The following ZMIZ1 variants were observed in gnomAD, a reference collection of about 807,000 sequenced individuals.
ZMIZ1 encodes zinc finger MIZ domain-containing protein 1.
ZMIZ1 carries 17 observed loss-of-function variants against 113.9 expected under a neutral mutation model. The ratio of observed to expected loss-of-function variants is 0.15; its 90% CI spans 0.10 to 0.22. The LOEUF is 0.22. Among genes scored for constraint, ZMIZ1 ranks in the 10% least tolerant of loss-of-function variants. The pLI is 1.00. For synonymous variants in ZMIZ1, 607 were observed against 603.1 expected (o/e 1.01, Z -0.09); for missense variants, 1,059 against 1,477.8 (o/e 0.72, Z 4.65).
chr10:79,091,352 C>A (rs1022417381), intron 1 of ZMIZ1, among the ~76,000 whole-genome samples: 1 of 152,188 alleles, frequency 6.6e-6, no homozygotes, highest in Non-Finnish European at 1.5e-5. Flanking sequence ...TGTCTCTTAT[C>A]CCCTAGCACG....
At chr10:79,277,428 A>T (rs1167970300) in intron 8 of ZMIZ1, 103 bp downstream of exon 8, 1 of 1,381,670 alleles carries the variant, frequency 7.2e-7, no homozygotes, top group Non-Finnish European at 9.5e-7. Flanking sequence ...TGCAACCATG[A>T]GGATGTTGCA....
chr10:79,282,959 C>T (rs1252557371), intron 8 of ZMIZ1, among the ~76,000 whole-genome samples: 1 of 152,246 alleles, frequency 6.6e-6, no homozygotes, highest in East Asian at 1.9e-4. Flanking sequence ...CTGCAGTGAC[C>T]TGGACTTGAA....
At chr10:79,247,146 G>A (rs1396603585) in intron 7 of ZMIZ1, among the ~76,000 whole-genome samples, 3 of 152,160 alleles carry the variant, frequency 2.0e-5, no homozygotes, top group South Asian at 2.1e-4. Flanking sequence ...CTGAAAATGC[G>A]GTGGCTTTCT....
chr10:79,072,138 A>T (rs1842308838), intron 1 of ZMIZ1, among the ~76,000 whole-genome samples: 1 of 152,122 alleles, frequency 6.6e-6, no homozygotes, highest in Non-Finnish European at 1.5e-5. Flanking sequence ...CTTTGTGGGG[A>T]CAAAATGTCC....
At chr10:79,178,640 T>C (rs1484214361) in intron 4 of ZMIZ1, among the ~76,000 whole-genome samples, 2 of 152,184 alleles carry the variant, frequency 1.3e-5, no homozygotes, top group East Asian at 3.9e-4. Context: ...TGTCTTCACT[T>C]TTCAAGCCCT....
intron 1 of ZMIZ1, among the ~76,000 whole-genome samples, chr10:79,071,038 C>T (rs1027740225): frequency 1.3e-5 from 2 of 152,208 alleles, no homozygotes; most frequent in Non-Finnish European, 2.9e-5. Flanking sequence ...GCCTTTCCCT[C>T]CTCTCTGCTC....
intron 4 of ZMIZ1, among the ~76,000 whole-genome samples, chr10:79,190,404 C>G (rs551384438): frequency 6.6e-6 from 1 of 152,296 alleles, no homozygotes; most frequent in Non-Finnish European, 1.5e-5. Context: ...TGCCTCAGGC[C>G]TCCGTTTCCT....
At chr10:79,143,628 T>G (rs1035503016) in intron 3 of ZMIZ1, among the ~76,000 whole-genome samples, 1 of 151,648 alleles carries the variant, frequency 6.6e-6, no homozygotes, top group African/African-American at 2.4e-5. Flanking sequence ...GATGGGGTGG[T>G]GGGGGGACAG....
chr10:79,234,306 T>A (rs1849509846), intron 7 of ZMIZ1, among the ~76,000 whole-genome samples: 1 of 152,178 alleles, frequency 6.6e-6, no homozygotes, highest in Admixed American at 6.5e-5. Context: ...CAATGCCTCG[T>A]GCCCACGCCC....
At chr10:79,169,475 A>T (rs1176677311) in intron 4 of ZMIZ1, among the ~76,000 whole-genome samples, 4 of 152,256 alleles carry the variant, frequency 2.6e-5, no homozygotes, top group African/African-American at 9.6e-5. Flanking sequence ...ACTTCCTTGC[A>T]TCCTGTAGCC....
intron 23 of ZMIZ1, among the ~76,000 whole-genome samples, chr10:79,307,911 C>A (rs1174913012): frequency 6.6e-6 from 1 of 152,174 alleles, no homozygotes; most frequent in Non-Finnish European, 1.5e-5. Context: ...CACAATCTTA[C>A]ACTCACCTAA....
At chr10:79,204,498 T>C (rs908714253) in intron 5 of ZMIZ1, among the ~76,000 whole-genome samples, 1 of 152,338 alleles carries the variant, frequency 6.6e-6, no homozygotes, top group East Asian at 1.9e-4. Flanking sequence ...ACCCCATCCC[T>C]GAGCTTGAAC....
intron 8 of ZMIZ1, among the ~76,000 whole-genome samples, chr10:79,282,756 G>A (rs916442634): frequency 6.6e-6 from 1 of 152,262 alleles, no homozygotes; most frequent in Non-Finnish European, 1.5e-5. Context: ...TAAGGGTGGT[G>A]ACGAGGAATA....
At position 79,304,156 on chromosome 10, in the gene ZMIZ1, A is replaced by G; in HGVS notation, c.2267A>G (p.His756Arg). ...FRRIQLPARG[H>R]DCKHVQCFDL... ...CGCATCCAGCTGCCTGCTCGAGGAC[A>G]CGATTGCAAGCATGTGCAGGTGAGC... The change falls in exon 19 of 25, where the codon CAC becomes CGC. Residue 756 changes from histidine (H) to arginine (R), a missense_variant. His to Arg is a conservative substitution (Grantham distance 29). This residue lies in a region of ZMIZ1 where 217 missense variants were observed against 426.9 expected (regional missense o/e 0.51). Transcript: ENST00000334512. The G allele has an allele frequency of 6.2e-7, 1 of 1,613,944 alleles. No homozygotes were observed. Among genetic ancestry groups the G allele is most frequent in the Non-Finnish European group, 8.5e-7 (1 of 1,179,850 alleles).
rs543099572 is a variant in ZMIZ1, at chr10:79,141,572, T to C, written c.-131+1795T>C. 2.0e-5 allele frequency among the ~76,000 whole-genome samples: 3 copies of C among 152,116 alleles called. No homozygotes were observed. In the South Asian group the frequency reaches 6.2e-4, roughly 32 times the overall value. On this transcript the variant is annotated intron_variant, in intron 3 of 24. Transcript: ENST00000334512. Reference sequence around the variant, plus strand: ...ACAGGCACACACCATCATGCCTGGCTAATTAGTGTACTTTTAGTAGAGATG... The same window carrying C: ...ACAGGCACACACCATCATGCCTGGCCAATTAGTGTACTTTTAGTAGAGATG...
intron 2 of ZMIZ1, among the ~76,000 whole-genome samples, chr10:79,138,907 A>T (rs534982222): frequency 8.5e-5 from 13 of 152,368 alleles, no homozygotes; most frequent in African/African-American, 3.1e-4. Flanking sequence ...AAGTGAGTGG[A>T]AGGTGAACAT....
At chr10:79,243,456 G>A (rs1407092317) in intron 7 of ZMIZ1, among the ~76,000 whole-genome samples, 1 of 148,884 alleles carries the variant, frequency 6.7e-6, no homozygotes, top group Non-Finnish European at 1.5e-5. Context: ...GCGGTAGCCG[G>A]ACGGCGGCGG....
intron 2 of ZMIZ1, among the ~76,000 whole-genome samples, chr10:79,132,587 G>T (rs535037335): frequency 6.6e-6 from 1 of 152,380 alleles, no homozygotes; most frequent in East Asian, 1.9e-4. Flanking sequence ...CAAATTTGCT[G>T]CCTCTCCCCT....
At chr10:79,306,041 C>G in intron 21 of ZMIZ1, 59 bp from the exon 22 acceptor site, 1 of 1,574,060 alleles carries the variant, frequency 6.4e-7, no homozygotes. Context: ...GCTGGAGGTG[C>G]TTTTATGCCC....
Sources: allele counts gnomAD v4.1 joint callset (sites outside exome capture counted in the v4.1 genomes callset), GRCh38; gene constraint gnomAD v4.1.1; regional missense constraint gnomAD v4.1.1; transcripts MANE v1.5; gene names NCBI Gene and HGNC (gene_info 2026-07-23, HGNC 2026-07-21).